ITSN1: variants seen among roughly 807,000 people sequenced by gnomAD.
The protein encoded by ITSN1 is intersectin 1.
A neutral mutation model predicts 239.8 loss-of-function variants in ITSN1; 58 were observed. The ratio of observed to expected loss-of-function variants is 0.24; its 90% CI spans 0.20 to 0.30. The LOEUF (loss-of-function observed/expected upper bound fraction) is 0.30. Ranked by LOEUF, ITSN1 falls within the 10% of genes least tolerant of loss-of-function variation. The probability of loss-of-function intolerance (pLI) is 1.00; values close to 1 mark genes in which losing one functional copy is unlikely to be tolerated. For missense variants in ITSN1, 1,558 were observed against 2,103.3 expected (o/e 0.74, Z 5.07); for synonymous variants, 780 against 770.8 (o/e 1.01, Z -0.20).
chr21:33,680,833 G>T (rs980532724), intron 1 of ITSN1, among the ~76,000 whole-genome samples: 2 of 152,178 alleles, frequency 1.3e-5, no homozygotes, highest in Non-Finnish European at 2.9e-5. Context: ...CACAGCCAGG[G>T]TGGAGATTAC....
chr21:33,838,544 G>A, intron 29 of ITSN1: 1 of 801,648 alleles, frequency 1.2e-6, no homozygotes, highest in Non-Finnish European at 1.5e-6. Flanking sequence ...TGGCAGTGGT[G>A]GTGAGGAACC....
intron 33 of ITSN1, among the ~76,000 whole-genome samples, chr21:33,874,616 TTCC>T (rs1299166431): frequency 6.6e-6 from 1 of 151,970 alleles, no homozygotes; most frequent in East Asian, 1.9e-4. Context: ...GACTAGTTTA[TTCC>T]TCTGTGAAAC....
intron 32 of ITSN1, among the ~76,000 whole-genome samples, chr21:33,866,729 C>G (rs1002648029): frequency 6.6e-6 from 1 of 152,164 alleles, no homozygotes; most frequent in African/African-American, 2.4e-5. Context: ...TCTTGACCCC[C>G]GTTGTCTGAG....
chr21:33,817,172 C>T (rs2073335087), intron 22 of ITSN1: 1 of 1,225,436 alleles, frequency 8.2e-7, no homozygotes, highest in East Asian at 5.8e-5. Context: ...CTTTAAGATA[C>T]TGTAATGGTT....
chr21:33,709,143 C>T (rs1255709227), intron 1 of ITSN1, among the ~76,000 whole-genome samples: 1 of 152,124 alleles, frequency 6.6e-6, no homozygotes, highest in African/African-American at 2.4e-5. Context: ...TATCAGCTTG[C>T]CGATTTCTGC....
At chr21:33,709,395 C>T (rs2092347181) in intron 1 of ITSN1, among the ~76,000 whole-genome samples, 1 of 152,096 alleles carries the variant, frequency 6.6e-6, no homozygotes, top group Non-Finnish European at 1.5e-5. Flanking sequence ...GGCTGGGCCT[C>T]CCGGGTTCAA....
rs563157171 is a variant in ITSN1, at chr21:33,724,018, T to C, written c.185+1367T>C. Among the ~76,000 whole-genome samples, 3 of 152,378 alleles carry C rather than the reference T, an allele frequency of 2.0e-5. No individual in the cohort carries two copies. The South Asian group carries it at 6.2e-4, about 32-fold the overall frequency. ...CTACAGAACACAATCTAAGCTTTTC[T>C]TGATGAAATGTCATCATTATGAAAA... is the stretch of plus-strand genomic sequence containing the variant. On this transcript the variant is annotated intron_variant, in intron 4 of 39. Coordinates refer to ENST00000381318, the MANE Select transcript of ITSN1 (RefSeq NM_003024.3).
chr21:33,647,423 T>C (rs893296266), intron 1 of ITSN1, among the ~76,000 whole-genome samples: 2 of 152,046 alleles, frequency 1.3e-5, no homozygotes, highest in Admixed American at 6.6e-5. Flanking sequence ...TGTCTTTTCC[T>C]ATATATATAT....
intron 1 of ITSN1, among the ~76,000 whole-genome samples, chr21:33,680,324 T>C (rs1439058720): frequency 2.1e-5 from 3 of 140,254 alleles, no homozygotes; most frequent in African/African-American, 3.3e-5. Context: ...TTTTTCTTTC[T>C]TTTCTTTTTT....
At chr21:33,858,912 T>C in intron 31 of ITSN1, 120 bp downstream of exon 31, 1 of 544,442 alleles carries the variant, frequency 1.8e-6, no homozygotes, top group South Asian at 3.1e-5. Flanking sequence ...GGCTTTTTTT[T>C]TTTCTTCTCA....
chr21:33,673,942 A>C (rs956552284), intron 1 of ITSN1, among the ~76,000 whole-genome samples: 8 of 152,228 alleles, frequency 5.3e-5, no homozygotes, highest in Non-Finnish European at 1.0e-4. Context: ...TTATTTGTTC[A>C]GGATAAAATG....
rs976405246 is a variant in ITSN1, at chr21:33,797,059, T to C, written c.1953-320T>C. 6.6e-6 allele frequency among the ~76,000 whole-genome samples: 1 copy of C among 152,256 alleles called. No homozygotes were observed. Among genetic ancestry groups the C allele is most frequent in the African/African-American group, 2.4e-5 (1 of 41,468 alleles). ...TACAGTGTTGGGTGTATTTTATTTTTATAGAAGTTATGTTCTCTGTGTTTT... is the reference window on the plus strand; with the variant it reads ...TACAGTGTTGGGTGTATTTTATTTTCATAGAAGTTATGTTCTCTGTGTTTT... On this transcript the variant is annotated intron_variant, in intron 17 of 39. Transcript: ENST00000381318. The surrounding 1 kb of genome is among the most constrained non-coding windows in gnomAD (Gnocchi z 4.9).
chr21:33,647,870 T>C (rs932645254), intron 1 of ITSN1, among the ~76,000 whole-genome samples: 3 of 152,374 alleles, frequency 2.0e-5, no homozygotes, highest in East Asian at 3.9e-4. Context: ...CGGTTACTTA[T>C]AACCCTGCAG....
chr21:33,818,621 C>T, intron 23 of ITSN1, 149 bp downstream of exon 23: 1 of 679,444 alleles, frequency 1.5e-6, no homozygotes, highest in Non-Finnish European at 2.5e-6. Flanking sequence ...ATATAGAGTA[C>T]CAAAAGGGAG....
intron 1 of ITSN1, among the ~76,000 whole-genome samples, chr21:33,663,837 G>A (rs1176397667): frequency 6.6e-6 from 1 of 152,182 alleles, no homozygotes; most frequent in Non-Finnish European, 1.5e-5. Flanking sequence ...CTGACGTCAG[G>A]TGATCCGCCC....
chr21:33,666,471 T>A (rs201706849), intron 1 of ITSN1, among the ~76,000 whole-genome samples: 7 of 151,986 alleles, frequency 4.6e-5, no homozygotes, highest in Non-Finnish European at 1.0e-4. Flanking sequence ...TTAAAAAAAA[T>A]AAATATTTCG....
chr21:33,869,990 T>C (rs1307468273), intron 33 of ITSN1, among the ~76,000 whole-genome samples: 1 of 152,170 alleles, frequency 6.6e-6, no homozygotes. Context: ...TTCCAGCCTT[T>C]CCCCTTCTGC....
At chr21:33,665,005 C>T (rs770930588) in intron 1 of ITSN1, among the ~76,000 whole-genome samples, 1 of 152,206 alleles carries the variant, frequency 6.6e-6, no homozygotes, top group Non-Finnish European at 1.5e-5. Context: ...TGGCTCACTA[C>T]TGTAATCCCA....
chr21:33,834,640 C>T (rs374619706), intron 28 of ITSN1, among the ~76,000 whole-genome samples: 1 of 152,302 alleles, frequency 6.6e-6, no homozygotes, highest in Non-Finnish European at 1.5e-5. Context: ...TACAACAGAA[C>T]CCTTGTTGGA....
Sources: gnomAD v4.1 joint callset for allele counts (sites outside exome capture counted in the v4.1 genomes callset) on GRCh38, gnomAD v4.1.1 for gene constraint, Gnocchi (gnomAD v3.1) non-coding constraint, MANE v1.5 for transcripts, NCBI Gene and HGNC (gene_info 2026-07-23, HGNC 2026-07-21) for gene names.